NEU4: variants seen among roughly 807,000 people sequenced by gnomAD.
The protein encoded by NEU4 is neuraminidase 4, also known as sialidase-4.
Under a neutral mutation model 9.9 loss-of-function variants are expected in NEU4, and 7 were observed. The observed-to-expected ratio is 0.71, with a 90% CI of 0.40 to 1.33. The LOEUF is 1.33. Among genes scored for constraint, NEU4 ranks in the 40% most tolerant of loss-of-function variants. The pLI, the probability that NEU4 is intolerant of heterozygous loss-of-function variation, is 0.01. For missense variants in NEU4, 717 were observed against 712.6 expected (o/e 1.01, Z -0.07); for synonymous variants, 348 against 316.9 (o/e 1.10, Z -1.04).
rs201063345 is a variant in NEU4, at chr2:241,814,680, G to T, written c.196G>T (p.Val66Leu). 1.3e-6 allele frequency: 2 copies of T among 1,548,078 alleles called. No individual in the cohort carries two copies. Among genetic ancestry groups the T allele is most frequent in the Non-Finnish European group, 1.7e-6 (2 of 1,149,192 alleles). ...GAGGGGCACGCTGGCCGGGGGCTCC[G>T]TGCGGGTGAGTGAGTGGCCGGGGGC... ...LRRGTLAGGS[V>L]RWGALHVLGT... The change falls in exon 2 of 4, where the codon GTG (valine) becomes TTG (leucine). Residue 66 changes from valine (V) to leucine (L), a missense_variant. Transcript: ENST00000407683.
intron 1 of NEU4, 69 bp downstream of exon 1, chr2:241,809,343 A>G (rs113814235): frequency 6.7e-5 from 61 of 911,038 alleles, no homozygotes; most frequent in Non-Finnish European, 8.4e-5. Context: ...TTTGCAGTAG[A>G]GAGTGTTGAG....
Position 241,815,040 on chromosome 2 carries a change from C to T in NEU4, c.350C>T (p.Thr117Met), listed in dbSNP as rs772926572. ...GHTPEAVQIA[T>M]GRNAARLCCV... ...ACGCCTGAGGCCGTGCAGATCGCCA[C>T]GGGAAGGAACGCCGCGCGCCTCTGC... Residue 117 changes from threonine to methionine, a missense_variant, in exon 3 of 4, where the codon ACG becomes ATG. Physicochemically the swap from Thr to Met is moderately conservative, Grantham distance 81. Coordinates refer to ENST00000407683, the MANE Select transcript of NEU4 (RefSeq NM_001167600.3). The T allele has an allele frequency of 3.6e-5, 57 of 1,596,198 alleles. 1 individual carries two copies. In the East Asian group the frequency reaches 7.4e-4, roughly 21 times the overall value.
chr2:241,815,906 G>C (rs779705098), intron 3 of NEU4, 145 bp from the exon 4 acceptor site: 319 of 806,624 alleles, frequency 4.0e-4, no homozygotes, highest in Non-Finnish European at 5.6e-4. Context: ...GGGCGGCTGG[G>C]ATGAGTCGTG....
At chr2:241,813,760 C>T (rs780299433) in intron 1 of NEU4, 2 of 336,776 alleles carry the variant, frequency 5.9e-6, no homozygotes, top group African/African-American at 2.2e-5. Flanking sequence ...TCACCAAGCA[C>T]CTGTCCCCTG....
In NEU4 at chr2:241,816,955, A is replaced by G. The variant is rs753523319; in HGVS notation, c.1362A>G (p.Thr454=). 17 of 1,612,466 alleles carry G rather than the reference A, an allele frequency of 1.1e-5. No homozygotes were observed. Among genetic ancestry groups the G allele is most frequent in the Non-Finnish European group, 1.4e-5 (17 of 1,179,860 alleles). Residue 454 remains threonine, a synonymous_variant, in exon 4 of 4, where the codon ACA becomes ACG. Coordinates refer to ENST00000407683, the MANE Select transcript of NEU4 (RefSeq NM_001167600.3). ...CCTATGATGAGATTTCCTTTTGTAC[A>G]TTCTCCCTGCGTGAGGTCCTGGAGA... ...RTSYDEISFC[T]FSLREVLENV...
At chr2:241,812,229 C>A (rs1482321081) in intron 1 of NEU4, among the ~76,000 whole-genome samples, 1 of 151,978 alleles carries the variant, frequency 6.6e-6, no homozygotes, top group East Asian at 1.9e-4. Flanking sequence ...TGTGATGGCC[C>A]CCTGCTGAGC....
At chr2:241,811,772 A>T in intron 1 of NEU4, 1 of 346,050 alleles carries the variant, frequency 2.9e-6, no homozygotes, top group Non-Finnish European at 5.2e-6. Flanking sequence ...ATGGAGACAG[A>T]CTGGTTGTGA....
Position 241,814,921 on chromosome 2 carries a change from A to G in NEU4, c.231A>G (p.Ala77=). Residue 77 remains alanine, a synonymous_variant, in exon 3 of 4, where the codon GCA becomes GCG. Transcript: ENST00000407683. ...RWGALHVLGT[A]ALAEHRSMNP... ...GTGCCCTGCACGTGCTGGGGACAGC[A>G]GCCCTGGCGGAGCACCGGTCCATGA... The G allele has an allele frequency of 1.9e-6, 3 of 1,611,930 alleles. No homozygotes were observed. The highest frequency in any genetic ancestry group is 2.5e-6 in the Non-Finnish European group (3 of 1,179,554).
intron 1 of NEU4, chr2:241,813,715 A>G (rs1485963227): frequency 2.4e-6 from 1 of 411,032 alleles, no homozygotes; most frequent in East Asian, 8.9e-5. Flanking sequence ...GAATGAGGGC[A>G]CTGTGGGGCC....
In NEU4 at chr2:241,811,070, C is replaced by G. The variant is rs945521646; in HGVS notation, c.-4+1796C>G. On this transcript the variant is annotated intron_variant, in intron 1 of 3. Transcript: ENST00000407683. ...AGAGGAGAGTGTGCACTCACGGAGC[C>G]CTCCTGGCAGGGCCGCGTCTCTGGA... The G allele has an allele frequency of 3.5e-6, 4 of 1,139,518 alleles. No individual in the cohort carries two copies. The African/African-American group carries it at 4.8e-5, about 14-fold the overall frequency. The allele number at this position is 1,139,518 out of a possible 1,614,324, so 70.6% of individuals were successfully genotyped here.
At chr2:241,812,853 G>C (rs74000533) in intron 1 of NEU4, among the ~76,000 whole-genome samples, 2,935 of 152,274 alleles carry the variant, frequency 0.019, 109 homozygotes, top group African/African-American at 0.066. Flanking sequence ...AGGGGGTGCT[G>C]ACACCTGCTC....
chr2:241,815,982 G>A (rs1440995398), intron 3 of NEU4, 69 bp from the exon 4 acceptor site: 7 of 1,442,276 alleles, frequency 4.9e-6, no homozygotes, highest in Non-Finnish European at 6.5e-6. Flanking sequence ...CCGTCCCCCT[G>A]TGCCTTCCTC....
At chr2:241,811,531 TC>T in intron 1 of NEU4, 1 of 1,326,378 alleles carries the variant, frequency 7.5e-7, no homozygotes, top group Non-Finnish European at 1.0e-6. Context: ...CAGGACCCGC[TC>T]CTGAGGTATC....
intron 2 of NEU4, 56 bp from the exon 3 acceptor site, chr2:241,814,836 G>T: frequency 6.4e-7 from 1 of 1,570,422 alleles, no homozygotes; most frequent in South Asian, 1.2e-5. Context: ...GCCCTGCGGG[G>T]GGCTGTGCCC....
intron 1 of NEU4, chr2:241,810,018 C>T (rs1000858144): frequency 3.3e-5 from 5 of 152,232 alleles, no homozygotes; most frequent in Non-Finnish European, 1.5e-5. Flanking sequence ...ACTTGGGGGA[C>T]ACGAGAAGGG....
chr2:241,814,105 C>T (rs1025738594), intron 1 of NEU4: 19 of 550,920 alleles, frequency 3.4e-5, no homozygotes, highest in East Asian at 9.2e-5. Flanking sequence ...TCCTGCTGGG[C>T]GAATTCTGGG....
intron 1 of NEU4, chr2:241,811,002 G>T: frequency 9.7e-7 from 1 of 1,030,288 alleles, no homozygotes; most frequent in African/African-American, 1.7e-5. Context: ...TGTGCTGTGA[G>T]GGGCTGTGCT....
chr2:241,816,570 G>A lies in NEU4; in HGVS notation c.977G>A (p.Gly326Glu). 3 of 1,607,002 alleles carry A rather than the reference G, an allele frequency of 1.9e-6. No homozygotes were observed. Among genetic ancestry groups the A allele is most frequent in the Non-Finnish European group, 2.5e-6 (3 of 1,177,512 alleles). The change falls in exon 4 of 4, where the codon GGA (glycine) becomes GAA (glutamate). Residue 326 changes from glycine to glutamate, a missense_variant. Physicochemically the swap from Gly to Glu is moderately conservative, Grantham distance 98. Coordinates refer to ENST00000407683, the MANE Select transcript of NEU4 (RefSeq NM_001167600.3). ...PPEEAAVDPR[G>E]GQVPGGPFSR... ...GAGGAGGCTGCTGTAGACCCCCGTG[G>A]AGGCCAGGTGCCTGGTGGGCCCTTC...
At chr2:241,810,197 G>T (rs562531145) in intron 1 of NEU4, among the ~76,000 whole-genome samples, 1 of 152,286 alleles carries the variant, frequency 6.6e-6, no homozygotes, top group South Asian at 2.1e-4. Context: ...GGCTGTGAGT[G>T]CACAGGACAC....
Sources: gnomAD v4.1 joint callset for allele counts (sites outside exome capture counted in the v4.1 genomes callset) on GRCh38, gnomAD v4.1.1 for gene constraint, MANE v1.5 for transcripts, NCBI Gene and HGNC (gene_info 2026-07-23, HGNC 2026-07-21) for gene names.